Variants in CADM2 observed in about 807,000 individuals in gnomAD.
CADM2 encodes cell adhesion molecule 2.
Under a neutral mutation model 49.8 loss-of-function variants are expected in CADM2, and 12 were observed. That is an observed-to-expected ratio of 0.24 (90% CI 0.15 to 0.39). CADM2 has a LOEUF of 0.39. Ranked by LOEUF, CADM2 falls within the 10% of genes least tolerant of loss-of-function variation. The pLI, the probability that CADM2 is intolerant of heterozygous loss-of-function variation, is 1.00. For synonymous variants in CADM2, 214 were observed against 175.4 expected, an observed-to-expected ratio of 1.22 and a Z score of -1.74; for missense variants, 378 against 492.3, an observed-to-expected ratio of 0.77 and a Z score of 2.20.
Position 85,088,303 on chromosome 3 carries a change from C to T in CADM2, c.61+128635C>T, listed in dbSNP as rs141172130. ...CTCAGGAATTGAACACCTTTGGAAA[C>T]CTTTTATAGTACAATCCTTTAGAAC... On this transcript the variant is annotated intron_variant, in intron 1 of 9. Coordinates refer to ENST00000383699, the MANE Select transcript of CADM2 (RefSeq NM_001167675.2). Among the ~76,000 whole-genome samples the T allele has an allele frequency of 2.0e-4, 30 of 152,168 alleles. No homozygotes were observed. The East Asian group carries it at 4.6e-3, about 24-fold the overall frequency.
At chr3:85,811,408 A>G (rs1352555929) in intron 3 of CADM2, among the ~76,000 whole-genome samples, 1 of 152,178 alleles carries the variant, frequency 6.6e-6, no homozygotes, top group Non-Finnish European at 1.5e-5. Flanking sequence ...CTAATGATTA[A>G]TTTATGTATT....
At chr3:86,018,478 G>C (rs1732636878) in intron 8 of CADM2, among the ~76,000 whole-genome samples, 1 of 151,938 alleles carries the variant, frequency 6.6e-6, no homozygotes, top group Non-Finnish European at 1.5e-5. Flanking sequence ...GGTTTAACTA[G>C]TTTACAGTCC....
intron 1 of CADM2, among the ~76,000 whole-genome samples, chr3:85,248,949 G>A (rs2042713772): frequency 6.6e-6 from 1 of 152,104 alleles, no homozygotes; most frequent in African/African-American, 2.4e-5. Flanking sequence ...TAAGCAATCT[G>A]ATTTTTGAGC....
intron 1 of CADM2, among the ~76,000 whole-genome samples, chr3:85,067,803 T>G (rs2036579607): frequency 6.6e-6 from 1 of 152,206 alleles, no homozygotes; most frequent in Non-Finnish European, 1.5e-5. Flanking sequence ...ATTTACATTG[T>G]TTCTTTATTA....
At chr3:85,853,466 G>A (rs985531722) in intron 3 of CADM2, among the ~76,000 whole-genome samples, 1 of 151,974 alleles carries the variant, frequency 6.6e-6, no homozygotes, top group Non-Finnish European at 1.5e-5. Flanking sequence ...AGCCTTAAAT[G>A]TATCAAATTA....
intron 8 of CADM2, among the ~76,000 whole-genome samples, chr3:86,024,784 G>C (rs1368326762): frequency 1.3e-5 from 2 of 151,934 alleles, no homozygotes; most frequent in African/African-American, 4.8e-5. Context: ...AAAAATGAAG[G>C]ATGCTCTATT....
At chr3:85,776,972 T>G (rs1173962638) in intron 2 of CADM2, among the ~76,000 whole-genome samples, 2 of 152,106 alleles carry the variant, frequency 1.3e-5, no homozygotes. Flanking sequence ...CACAATTTAA[T>G]GCATTCCTGT....
chr3:85,549,888 T>G (rs2061759532), intron 1 of CADM2, among the ~76,000 whole-genome samples: 1 of 151,458 alleles, frequency 6.6e-6, no homozygotes, highest in Non-Finnish European at 1.5e-5. Context: ...CGCCTCGGCC[T>G]CCCACAGTGC....
At chr3:85,401,495 G>A (rs1482330997) in intron 1 of CADM2, among the ~76,000 whole-genome samples, 4 of 152,132 alleles carry the variant, frequency 2.6e-5, no homozygotes, top group Non-Finnish European at 5.9e-5. Flanking sequence ...AGATGGAGGG[G>A]CCACAGGAGG....
intron 3 of CADM2, among the ~76,000 whole-genome samples, chr3:85,827,352 A>C (rs1361701891): frequency 6.6e-6 from 1 of 151,992 alleles, no homozygotes; most frequent in Admixed American, 6.6e-5. Context: ...ATTCGTATAC[A>C]TTTTATAAAA....
At chr3:85,524,896 C>G (rs1009957861) in intron 1 of CADM2, among the ~76,000 whole-genome samples, 1 of 152,080 alleles carries the variant, frequency 6.6e-6, no homozygotes, top group African/African-American at 2.4e-5. Flanking sequence ...AGATTATATT[C>G]TTCATTCATG....
At position 85,377,164 on chromosome 3, in the gene CADM2, C is replaced by T. The variant is rs550692030; in HGVS notation, c.62-349358C>T. Among the ~76,000 whole-genome samples the T allele has an allele frequency of 6.6e-5, 10 of 152,046 alleles. No homozygotes were observed. The South Asian group carries it at 1.4e-3, about 22-fold the overall frequency. ...CTATTTAGCAATATACATATTTATG[C>T]GACCTTCTTTTGTTCATAAATGCTA... On this transcript the variant is annotated intron_variant, in intron 1 of 9. Coordinates refer to ENST00000383699, the MANE Select transcript of CADM2 (RefSeq NM_001167675.2).
chr3:85,250,576 A>G (rs898805512), intron 1 of CADM2, among the ~76,000 whole-genome samples: 3 of 151,690 alleles, frequency 2.0e-5, no homozygotes, highest in African/African-American at 7.2e-5. Flanking sequence ...CTCAAATTTT[A>G]TATAGTCAGT....
chr3:85,626,660 A>AT (rs1195121779), intron 1 of CADM2, among the ~76,000 whole-genome samples: 2 of 152,100 alleles, frequency 1.3e-5, no homozygotes, highest in African/African-American at 4.8e-5. Flanking sequence ...AAAAATAGCA[A>AT]TTATTAACTC....
At chr3:85,233,914 T>C (rs1315851144) in intron 1 of CADM2, among the ~76,000 whole-genome samples, 6 of 152,128 alleles carry the variant, frequency 3.9e-5, no homozygotes, top group Non-Finnish European at 8.8e-5. Context: ...ATTCTACAAA[T>C]ATAGTATGAA....
intron 1 of CADM2, among the ~76,000 whole-genome samples, chr3:85,509,078 C>T (rs2040491316): frequency 6.6e-6 from 1 of 152,034 alleles, no homozygotes; most frequent in South Asian, 2.1e-4. Flanking sequence ...CCAAAGTAAC[C>T]TGAAAAGACT....
chr3:85,722,012 G>A (rs1329267010), intron 1 of CADM2, among the ~76,000 whole-genome samples: 1 of 151,388 alleles, frequency 6.6e-6, no homozygotes, highest in African/African-American at 2.4e-5. Flanking sequence ...CTACGGGCAG[G>A]TTGTCACATA....
intron 3 of CADM2, among the ~76,000 whole-genome samples, chr3:85,841,731 A>G (rs2074648057): frequency 6.6e-6 from 1 of 152,054 alleles, no homozygotes; most frequent in Non-Finnish European, 1.5e-5. Flanking sequence ...TCATACCTAT[A>G]TAGCAACAAA....
intron 8 of CADM2, among the ~76,000 whole-genome samples, chr3:86,027,168 T>C (rs1056649726): frequency 3.9e-5 from 6 of 152,280 alleles, no homozygotes; most frequent in African/African-American, 1.4e-4. Flanking sequence ...AATTGTTTAG[T>C]GTGGATTCCC....
Sources: allele counts gnomAD v4.1 joint callset (sites outside exome capture counted in the v4.1 genomes callset), GRCh38; gene constraint gnomAD v4.1.1; transcripts MANE v1.5; gene names NCBI Gene and HGNC (gene_info 2026-07-23, HGNC 2026-07-21).